PTPRK: variants seen among roughly 807,000 people sequenced by gnomAD.
PTPRK encodes the protein receptor-type tyrosine-protein phosphatase kappa.
Under a neutral mutation model 178.0 loss-of-function variants are expected in PTPRK, and 75 were observed. That is an observed-to-expected ratio of 0.42 (90% CI 0.35 to 0.51). The LOEUF is 0.51. Ranked by LOEUF, PTPRK falls within the 20% of genes least tolerant of loss-of-function variation. The probability of loss-of-function intolerance (pLI) is 0.02; values close to 1 mark genes in which losing one functional copy is unlikely to be tolerated. For missense variants in PTPRK, 1,441 were observed against 1,797.8 expected, an observed-to-expected ratio of 0.80 and a Z score of 3.59; for synonymous variants, 637 against 620.6, an observed-to-expected ratio of 1.03 and a Z score of -0.39.
intron 7 of PTPRK, among the ~76,000 whole-genome samples, chr6:128,125,695 C>T (rs1012856222): frequency 2.7e-5 from 4 of 149,984 alleles, no homozygotes; most frequent in Admixed American, 6.6e-5. Context: ...CTGCAACCCC[C>T]GCCTCCCAGG....
intron 1 of PTPRK, among the ~76,000 whole-genome samples, chr6:128,511,838 T>G (rs771137581): frequency 3.3e-5 from 5 of 152,168 alleles, no homozygotes; most frequent in Non-Finnish European, 5.9e-5. Flanking sequence ...GGCCTTAGTT[T>G]GTAAAATGGA....
intron 7 of PTPRK, among the ~76,000 whole-genome samples, chr6:128,112,042 T>C (rs765538304): frequency 3.3e-5 from 5 of 152,060 alleles, no homozygotes; most frequent in African/African-American, 4.8e-5. Flanking sequence ...CTAATGTTAT[T>C]ACCACTCTTA....
chr6:128,299,209 G>T (rs1420398176), intron 3 of PTPRK, among the ~76,000 whole-genome samples: 4 of 151,882 alleles, frequency 2.6e-5, no homozygotes, highest in Non-Finnish European at 5.9e-5. Flanking sequence ...CACTGCTCAA[G>T]GAAATAAAAG....
chr6:128,082,573 T>C lies in PTPRK; in HGVS notation c.1641A>G (p.Val547=), dbSNP rs1554290387. The change falls in exon 10 of 30, where the codon GTA becomes GTG. Residue 547 remains valine (V), a synonymous_variant. Coordinates refer to ENST00000368226, the MANE Select transcript of PTPRK (RefSeq NM_002844.4). The part of the protein sequence containing the change: ...AVPVAGPPQT[V]SNLWNSTHHV... ...GGTGTGTACTGTTCCATAAATTTGA[T>C]ACAGTCTGGGGAGGTCCAGCCACTG... is the stretch of plus-strand genomic sequence containing the variant. The C allele has an allele frequency of 1.2e-6, 2 of 1,612,594 alleles. No individual in the cohort carries two copies. The highest frequency in any genetic ancestry group is 2.2e-5 in the South Asian group (2 of 91,052).
intron 1 of PTPRK, among the ~76,000 whole-genome samples, chr6:128,443,534 A>C (rs146711263): frequency 2.1e-3 from 321 of 152,334 alleles, no homozygotes; most frequent in Non-Finnish European, 3.1e-3. Context: ...TTAGGGAGCA[A>C]GTATAGTCAT....
chr6:128,235,442 C>T, intron 5 of PTPRK: 1 of 272,254 alleles, frequency 3.7e-6, no homozygotes, highest in Middle Eastern at 4.4e-4. Flanking sequence ...TATAATTTCA[C>T]TTTTGATCTT....
At position 128,297,871 on chromosome 6, in the gene PTPRK, A is replaced by AATT. The variant is rs550297240; in HGVS notation, c.495+24167_495+24168insAAT. 4.1e-3 allele frequency among the ~76,000 whole-genome samples: 627 copies of AATT among 152,336 alleles called. 4 individuals carry two copies. The highest frequency in any genetic ancestry group is 0.014 in the African/African-American group (601 of 41,576). The stretch of plus-strand genomic sequence containing the variant: ...GCTAGCGGAAGGCAAGAAATAACTA[A>AATT]AATCAGAGCAGAACTGAAGGAAGTA... On this transcript the variant is annotated intron_variant, in intron 3 of 29. Coordinates refer to ENST00000368226, the MANE Select transcript of PTPRK (RefSeq NM_002844.4).
intron 13 of PTPRK, among the ~76,000 whole-genome samples, chr6:128,011,061 G>A (rs1386856404): frequency 1.3e-5 from 2 of 151,096 alleles, no homozygotes; most frequent in Admixed American, 1.3e-4. Context: ...CTCTATATAT[G>A]TAGATATTGA....
intron 3 of PTPRK, among the ~76,000 whole-genome samples, chr6:128,292,568 A>C (rs1210234396): frequency 6.6e-6 from 1 of 152,072 alleles, no homozygotes; most frequent in East Asian, 1.9e-4. Context: ...ACAAAGAAAT[A>C]TAACTCCCAG....
At chr6:128,358,233 C>T (rs1430169671) in intron 2 of PTPRK, among the ~76,000 whole-genome samples, 1 of 152,186 alleles carries the variant, frequency 6.6e-6, no homozygotes, top group African/African-American at 2.4e-5. Context: ...CTATAATGGT[C>T]CTTGGCCCTG....
intron 7 of PTPRK, among the ~76,000 whole-genome samples, chr6:128,147,765 A>G (rs982038884): frequency 3.3e-5 from 5 of 152,130 alleles, no homozygotes; most frequent in African/African-American, 9.7e-5. Flanking sequence ...AACAATAAAA[A>G]CTGAGAAGTG....
Position 128,377,352 on chromosome 6 carries a change from C to T in PTPRK, c.223+20214G>A, listed in dbSNP as rs867979299. 7.2e-5 allele frequency among the ~76,000 whole-genome samples: 11 copies of T among 152,130 alleles called. 1 individual carries two copies. In the South Asian group the frequency reaches 1.9e-3, roughly 26 times the overall value. ...GAGAACTTATGCAGGGAAACTCTCTCTTTTTTAAAACCATCAGATCTCGTA... is the reference window on the plus strand; with the variant it reads ...GAGAACTTATGCAGGGAAACTCTCTTTTTTTTAAAACCATCAGATCTCGTA... On this transcript the variant is annotated intron_variant, in intron 2 of 29. Coordinates refer to ENST00000368226, the MANE Select transcript of PTPRK (RefSeq NM_002844.4).
intron 6 of PTPRK, among the ~76,000 whole-genome samples, chr6:128,191,754 A>T (rs1015158428): frequency 2.6e-5 from 4 of 152,316 alleles, no homozygotes; most frequent in African/African-American, 9.6e-5. Context: ...CAAAACAATA[A>T]TAGGTTCCTC....
chr6:128,152,339 C>G (rs1797371553), intron 7 of PTPRK, among the ~76,000 whole-genome samples: 1 of 151,912 alleles, frequency 6.6e-6, no homozygotes, highest in African/African-American at 2.4e-5. Flanking sequence ...AACTAGATGT[C>G]TACTAGAACC....
intron 27 of PTPRK, 110 bp downstream of exon 27, chr6:127,976,547 A>C: frequency 1.5e-6 from 2 of 1,301,038 alleles, no homozygotes; most frequent in Non-Finnish European, 2.2e-6. Flanking sequence ...GAGGTGGATG[A>C]TATAGTGCTT....
intron 1 of PTPRK, among the ~76,000 whole-genome samples, chr6:128,427,840 C>G (rs900406200): frequency 1.3e-5 from 2 of 152,128 alleles, no homozygotes; most frequent in East Asian, 1.9e-4. Context: ...CGCCTGCAAT[C>G]CCAGCACTAT....
At chr6:128,271,774 G>A (rs1195063835) in intron 3 of PTPRK, among the ~76,000 whole-genome samples, 2 of 151,680 alleles carry the variant, frequency 1.3e-5, no homozygotes, top group East Asian at 3.9e-4. Context: ...CATAATCTCT[G>A]GCCAACGCTT....
chr6:128,229,140 T>G (rs564881365), intron 5 of PTPRK, among the ~76,000 whole-genome samples: 1 of 126,114 alleles, frequency 7.9e-6, no homozygotes, highest in Non-Finnish European at 1.5e-5. Flanking sequence ...ATTAAAAACA[T>G]AGTTACATTT....
intron 21 of PTPRK, among the ~76,000 whole-genome samples, chr6:127,986,792 A>G (rs548548351): frequency 6.6e-6 from 1 of 152,326 alleles, no homozygotes; most frequent in African/African-American, 2.4e-5. Flanking sequence ...TGAAATAAAC[A>G]AAACTGAGAA....
Sources: gnomAD v4.1 joint callset for allele counts (sites outside exome capture counted in the v4.1 genomes callset) on GRCh38, gnomAD v4.1.1 for gene constraint, MANE v1.5 for transcripts, NCBI Gene and HGNC (gene_info 2026-07-23, HGNC 2026-07-21) for gene names.